MYO9A: variants seen among roughly 807,000 people sequenced by gnomAD.
The protein encoded by MYO9A is myosin IXA, also known as unconventional myosin-IXa.
MYO9A carries 103 observed loss-of-function variants against 293.3 expected under a neutral mutation model. That is an observed-to-expected ratio of 0.35 (90% CI 0.30 to 0.41). MYO9A has a LOEUF of 0.41. Ranked by LOEUF, MYO9A falls within the 10% of genes least tolerant of loss-of-function variation. The pLI is 1.00. For missense variants in MYO9A, 2,685 were observed against 3,033.0 expected, an observed-to-expected ratio of 0.89 and a Z score of 2.69; for synonymous variants, 1,001 against 1,035.7, an observed-to-expected ratio of 0.97 and a Z score of 0.64.
chr15:71,921,311 G>C (rs1012629865), intron 18 of MYO9A, among the ~76,000 whole-genome samples: 7 of 152,216 alleles, frequency 4.6e-5, no homozygotes, highest in African/African-American at 1.7e-4. Flanking sequence ...TTATCCAAAA[G>C]GGAAGAGCTG....
At chr15:71,956,352 A>ATATAT (rs1346560683) in intron 14 of MYO9A, among the ~76,000 whole-genome samples, 1 of 64,912 alleles carries the variant, frequency 1.5e-5, no homozygotes, top group Non-Finnish European at 3.7e-5. Context: ...TATATATATA[A>ATATAT]AATACGCCCA....
chr15:72,026,275 G>GAAAAAAA (rs35491673), intron 4 of MYO9A, among the ~76,000 whole-genome samples: 5 of 63,470 alleles, frequency 7.9e-5, no homozygotes, highest in African/African-American at 2.0e-4. Flanking sequence ...TCCGTCTCAA[G>GAAAAAAA]AAAAAAAAAA....
chr15:71,918,463 GA>G (rs2058070001), intron 18 of MYO9A, among the ~76,000 whole-genome samples: 1 of 151,864 alleles, frequency 6.6e-6, no homozygotes, highest in Admixed American at 6.6e-5. Flanking sequence ...TGTATTTCCT[GA>G]CATGGGAAAA....
chr15:71,865,216 T>C (rs773685938), intron 32 of MYO9A, among the ~76,000 whole-genome samples: 2 of 152,190 alleles, frequency 1.3e-5, no homozygotes, highest in African/African-American at 2.4e-5. Context: ...ACACAAGTTT[T>C]ACTGGTAATA....
chr15:72,106,744 G>T (rs2080583495), intron 1 of MYO9A, among the ~76,000 whole-genome samples: 1 of 152,122 alleles, frequency 6.6e-6, no homozygotes, highest in Non-Finnish European at 1.5e-5. Context: ...GGGATTACAG[G>T]CGTGAGCCAT....
Position 71,839,406 on chromosome 15 carries a change from T to TTTTC in MYO9A, c.6838-9099_6838-9096dup, listed in dbSNP as rs200104858. ...GTCTTTGATGTGAATCAGGTTTTTT[T>TTTTC]TTTCTTTCTTTCTTTCTTTAAAGAT... On this transcript the variant is annotated intron_variant, in intron 39 of 41. Transcript: ENST00000356056. Among the ~76,000 whole-genome samples the TTTTC allele has an allele frequency of 8.1e-3, 1,229 of 152,014 alleles. 95 individuals are homozygous for TTTTC. In the East Asian group the frequency reaches 0.17, roughly 21 times the overall value.
At chr15:71,904,903 T>C (rs749073937) in intron 20 of MYO9A, 23 bp downstream of exon 20, 1 of 1,559,470 alleles carries the variant, frequency 6.4e-7, no homozygotes. Flanking sequence ...AGATATGTGC[T>C]CTCATTTATA....
chr15:72,035,048 A>T (rs2078000343), intron 2 of MYO9A, among the ~76,000 whole-genome samples: 1 of 152,210 alleles, frequency 6.6e-6, no homozygotes, highest in Non-Finnish European at 1.5e-5. Context: ...TTCCGTCAAG[A>T]CCACAATGAG....
chr15:71,935,541 T>A lies in MYO9A; in HGVS notation c.2379-57A>T, dbSNP rs1022515585. 4.2e-6 allele frequency: 6 copies of A among 1,437,756 alleles called. No homozygotes were observed. In the African/African-American group the frequency reaches 8.6e-5, roughly 21 times the overall value. 89.1% of individuals were successfully genotyped at this position (1,437,756 alleles called of 1,614,324 possible). A position where few individuals can be genotyped will look rare whatever the true frequency, so the allele number is the denominator to read the frequency against. ...AAGACGTCTCTAACACTATACTGCT[T>A]AAATAAGTAAAATAAAACTTTAAAT... On this transcript the variant is annotated intron_variant, in intron 16 of 41. Coordinates refer to ENST00000356056, the MANE Select transcript of MYO9A (RefSeq NM_006901.4).
At chr15:71,892,906 A>G (rs1289965642) in intron 26 of MYO9A, 1 of 1,073,250 alleles carries the variant, frequency 9.3e-7, no homozygotes, top group South Asian at 1.6e-5. Context: ...GCTTTAGATT[A>G]GCAAAGACTA....
At chr15:72,061,097 TGAAAG>T (rs917139228) in intron 1 of MYO9A, among the ~76,000 whole-genome samples, 2 of 152,082 alleles carry the variant, frequency 1.3e-5, no homozygotes, top group African/African-American at 4.8e-5. Context: ...CCAGCTGCTA[TGAAAG>T]GAAAGACCCA....
chr15:72,022,689 A>C (rs2077538712), intron 4 of MYO9A, among the ~76,000 whole-genome samples: 1 of 152,050 alleles, frequency 6.6e-6, no homozygotes, highest in African/African-American at 2.4e-5. Flanking sequence ...CTGGGACCAC[A>C]GGTGTGCACC....
chr15:71,904,010 T>G lies in MYO9A; in HGVS notation c.2796A>C (p.Val932=). The G allele has an allele frequency of 1.2e-6, 2 of 1,613,982 alleles. No homozygotes were observed. The highest frequency in any genetic ancestry group is 1.7e-6 in the Non-Finnish European group (2 of 1,179,962). The part of the protein sequence containing the change: ...KLPLRFSDVL[V]LRQLRYTGML... ...TCCCGGTGTATCGAAGCTGTCTAAGTACCAAGACATCACTGAACCTTAAGG... is the reference window on the plus strand; with the variant it reads ...TCCCGGTGTATCGAAGCTGTCTAAGGACCAAGACATCACTGAACCTTAAGG... Residue 932 remains valine (V), a synonymous_variant, in exon 21 of 42, where the codon GTA becomes GTC. Coordinates refer to ENST00000356056, the MANE Select transcript of MYO9A (RefSeq NM_006901.4).
intron 18 of MYO9A, among the ~76,000 whole-genome samples, chr15:71,927,395 C>T (rs1023604576): frequency 1.3e-5 from 2 of 152,106 alleles, no homozygotes; most frequent in African/African-American, 4.8e-5. Flanking sequence ...CTTTCGTTAT[C>T]TGTGTTTTGG....
chr15:71,938,902 T>G lies in MYO9A; in HGVS notation c.2328A>C (p.Thr776=), dbSNP rs777540526. The part of the protein sequence containing the change: ...KYSITRKNPR[T]PLSDLQGMNA... ...TCATGCCCTGGAGATCAGAAAGAGG[T>G]GTTCTGGGATTTTTCCGGGTTATAC... The change falls in exon 16 of 42, where the codon ACA becomes ACC. Residue 776 remains threonine (T), a synonymous_variant. Coordinates refer to ENST00000356056, the MANE Select transcript of MYO9A (RefSeq NM_006901.4). 1.9e-6 allele frequency: 3 copies of G among 1,611,036 alleles called. No homozygotes were observed. Among genetic ancestry groups the G allele is most frequent in the Non-Finnish European group, 2.5e-6 (3 of 1,178,768 alleles).
chr15:72,052,938 G>A (rs575126966), intron 1 of MYO9A, among the ~76,000 whole-genome samples: 2 of 151,334 alleles, frequency 1.3e-5, no homozygotes, highest in Admixed American at 6.6e-5. Flanking sequence ...AGGCAGAGGC[G>A]CCAGTGGCCA....
chr15:72,023,579 T>A (rs2077568356), intron 4 of MYO9A, among the ~76,000 whole-genome samples: 1 of 150,850 alleles, frequency 6.6e-6, no homozygotes, highest in South Asian at 2.1e-4. Flanking sequence ...CCTGTAATCC[T>A]AGCTACTCAG....
At chr15:71,916,669 C>G (rs1227804408) in intron 18 of MYO9A, among the ~76,000 whole-genome samples, 177 bp from the exon 19 acceptor site, 1 of 152,144 alleles carries the variant, frequency 6.6e-6, no homozygotes, top group South Asian at 2.1e-4. Flanking sequence ...CCTCTAGAAG[C>G]TAGAAAGCTA....
intron 1 of MYO9A, among the ~76,000 whole-genome samples, chr15:72,067,289 C>T (rs1003401327): frequency 1.3e-5 from 2 of 151,202 alleles, no homozygotes; most frequent in East Asian, 1.9e-4. Flanking sequence ...ATATTATTCC[C>T]AATACTAATT....
Sources: gnomAD v4.1 joint callset for allele counts (sites outside exome capture counted in the v4.1 genomes callset) on GRCh38, gnomAD v4.1.1 for gene constraint, MANE v1.5 for transcripts, NCBI Gene and HGNC (gene_info 2026-07-23, HGNC 2026-07-21) for gene names.